Variants in NAT9 observed in about 807,000 individuals in gnomAD.
NAT9 encodes the protein N-acetyltransferase 9, also known as alpha/beta-tubulin-N-acetyltransferase 9.
Under a neutral mutation model 24.0 loss-of-function variants are expected in NAT9, and 18 were observed. The ratio of observed to expected loss-of-function variants is 0.75; its 90% confidence interval spans 0.52 to 1.11. NAT9 has a LOEUF of 1.11. NAT9 is among the 50% of genes most tolerant of loss of function. NAT9 has a pLI of 0.00. For missense variants in NAT9, 254 were observed against 258.6 expected (o/e 0.98, Z 0.12); for synonymous variants, 104 against 102.3 (o/e 1.02, Z -0.10).
Position 74,773,683 on chromosome 17 carries a change from T to C in NAT9, c.83A>G (p.Tyr28Cys), listed in dbSNP as rs954527827. The change falls in exon 3 of 7, where the codon TAC becomes TGC. Residue 28 changes from tyrosine to cysteine, a missense_variant. Coordinates refer to ENST00000357814, the MANE Select transcript of NAT9 (RefSeq NM_015654.5). ...CTCCTCTGATTTCATCCACTCGTGGTACCTGCTGGGACAGAGGGGTGGCTT... is the reference window on the plus strand; with the variant it reads ...CTCCTCTGATTTCATCCACTCGTGGCACCTGCTGGGACAGAGGGGTGGCTT... ...PYTSEHVPSRYHEWMKSEELQ... is the reference protein window; with the variant it reads ...PYTSEHVPSRCHEWMKSEELQ... The C allele has an allele frequency of 1.1e-5, 17 of 1,613,964 alleles. No individual in the cohort carries two copies. The highest frequency in any genetic ancestry group is 1.7e-5 in the Admixed American group (1 of 60,012).
At chr17:74,772,720 G>T in intron 4 of NAT9, 176 bp downstream of exon 4, 1 of 1,150,548 alleles carries the variant, frequency 8.7e-7, no homozygotes, top group Non-Finnish European at 1.2e-6. Context: ...TGAGGCTGAG[G>T]GTGTACCACC....
rs1555604784 is a variant in NAT9, at chr17:74,775,634, T to A, written c.65A>T (p.Glu22Val). Residue 22 changes from glutamate to valine, a missense_variant, in exon 2 of 7, where the codon GAG (glutamate) becomes GTG (valine). Physicochemically the swap from Glu to Val is moderately radical, Grantham distance 121. Coordinates refer to ENST00000357814, the MANE Select transcript of NAT9 (RefSeq NM_015654.5). ...GCGGGAAAGATACCTGGGCACATGCTCCGAGGTGTAGGGTACAAGGACCAC... is the reference window on the plus strand; with the variant it reads ...GCGGGAAAGATACCTGGGCACATGCACCGAGGTGTAGGGTACAAGGACCAC... ...KKVVLVPYTS[E>V]HVPSRYHEWM... The A allele has an allele frequency of 3.1e-6, 5 of 1,613,952 alleles. No individual in the cohort carries two copies. The South Asian group carries it at 4.4e-5, about 14-fold the overall frequency.
chr17:74,773,443 G>A lies in NAT9; in HGVS notation c.190+133C>T, dbSNP rs556836031. On this transcript the variant is annotated intron_variant, in intron 3 of 6. Transcript: ENST00000357814. ...TGGCTTCAGGGCCATGAGAATACAG[G>A]AGTTCCAGCACCTTCCAGGCTTTTC... The A allele has an allele frequency of 7.1e-5, 53 of 744,710 alleles. 2 individuals carry two copies. Among genetic ancestry groups the A allele is most frequent in the South Asian group, 1.8e-4 (11 of 61,354 alleles). The allele number at this position is 744,710 out of a possible 1,614,324, so 46.1% of individuals were successfully genotyped here.
rs2035120880 is a variant in NAT9, at chr17:74,770,757, C to CCA, written c.*965_*966dup. 1 of 152,196 alleles carries CCA rather than the reference C, an allele frequency of 6.6e-6. No individual in the cohort carries two copies. Among genetic ancestry groups the CCA allele is most frequent in the Admixed American group, 6.5e-5 (1 of 15,284 alleles). 9.4% of individuals were successfully genotyped at this position (152,196 alleles called of 1,614,324 possible). A position where few individuals can be genotyped will look rare whatever the true frequency, so the allele number is the denominator to read the frequency against. The stretch of plus-strand genomic sequence containing the variant: ...ATGCCCGGCCTTTCTTGACAGCCAG[C>CCA]CACCCCAGATGATGGCAGGGCAAGG... On this transcript the variant is annotated 3_prime_UTR_variant, in exon 7 of 7. Coordinates refer to ENST00000357814, the MANE Select transcript of NAT9 (RefSeq NM_015654.5).
In NAT9 at chr17:74,772,210, TTTC is replaced by T; in HGVS notation, c.394+5_394+7del. ...CACTTCCCGCATTGTCTGCTCACAC[TTTC>T]TTACCGTAAGACAGCATCGCGAGAA... On this transcript the variant is annotated splice_donor_5th_base_variant and intron_variant, in intron 5 of 6. Transcript: ENST00000357814. 6.2e-7 allele frequency: 1 copy of T among 1,614,226 alleles called. No homozygotes were observed.
rs534575640 is a variant in NAT9 at position 74,774,638 on chromosome 17, C to T, written c.78-950G>A. Among the ~76,000 whole-genome samples, 4 of 150,648 alleles carry T rather than the reference C, an allele frequency of 2.7e-5. 1 individual carries two copies. The highest frequency in any genetic ancestry group is 7.3e-5 in the African/African-American group (3 of 40,932). On this transcript the variant is annotated intron_variant, in intron 2 of 6. Coordinates refer to ENST00000357814, the MANE Select transcript of NAT9 (RefSeq NM_015654.5). Reference sequence around the variant, plus strand: ...CGATCTCGGCTCACTGTAAGCTCCGCCTCCCGGGTTCACACATTCTCCTGC... The same window carrying T: ...CGATCTCGGCTCACTGTAAGCTCCGTCTCCCGGGTTCACACATTCTCCTGC...
Position 74,773,685 on chromosome 17 carries a change from C to T in NAT9, c.81G>A (p.Arg27=). 1.2e-6 allele frequency: 2 copies of T among 1,613,890 alleles called. No homozygotes were observed. The highest frequency in any genetic ancestry group is 1.7e-6 in the Non-Finnish European group (2 of 1,179,830). Residue 27 remains arginine, a synonymous_variant, in exon 3 of 7, where the codon AGG becomes AGA. Transcript: ENST00000357814. ...CCTCTGATTTCATCCACTCGTGGTACCTGCTGGGACAGAGGGGTGGCTTTA... is the reference window on the plus strand; with the variant it reads ...CCTCTGATTTCATCCACTCGTGGTATCTGCTGGGACAGAGGGGTGGCTTTA... The part of the protein sequence containing the change: ...VPYTSEHVPS[R]YHEWMKSEEL...
intron 1 of NAT9, 191 bp from the exon 2 acceptor site, chr17:74,775,898 C>T: frequency 2.0e-6 from 1 of 508,984 alleles, no homozygotes; most frequent in South Asian, 2.9e-5. Context: ...TTAAACAATC[C>T]TTGACTCCCA....
At chr17:74,772,156 A>C in intron 5 of NAT9, 62 bp downstream of exon 5, 10 of 1,613,820 alleles carry the variant, frequency 6.2e-6, no homozygotes, top group Non-Finnish European at 8.5e-6. Context: ...CAACCCTCAC[A>C]CCTGAACAAA....
chr17:74,771,451 C>A lies in NAT9; in HGVS notation c.*273G>T. The A allele has an allele frequency of 1.9e-6, 1 of 537,044 alleles. No homozygotes were observed. The highest frequency in any genetic ancestry group is 2.3e-5 in the South Asian group (1 of 43,792). The allele number at this position is 537,044 out of a possible 1,614,324, so 33.3% of individuals were successfully genotyped here. ...AGCTCCCACCTTCATCCCGACATCT[C>A]CCATGGATCCCTGCCCTCCATTCCA... On this transcript the variant is annotated 3_prime_UTR_variant, in exon 7 of 7. Coordinates refer to ENST00000357814, the MANE Select transcript of NAT9 (RefSeq NM_015654.5).
At position 74,772,225 on chromosome 17, in the gene NAT9, C is replaced by T. The variant is rs747994926; in HGVS notation, c.387G>A (p.Leu129=). 1.5e-5 allele frequency: 24 copies of T among 1,614,136 alleles called. No homozygotes were observed. In the South Asian group the frequency reaches 2.4e-4, roughly 16 times the overall value. ...GLGTEAVLAM[L]SYGVTTLGLT... is the part of the protein sequence containing the mutation. ...CTGCTCACACTTTCTTACCGTAAGA[C>T]AGCATCGCGAGAACGGCCTCAGTGC... Residue 129 remains leucine (L), a synonymous_variant, in exon 5 of 7, where the codon CTG becomes CTA. Coordinates refer to ENST00000357814, the MANE Select transcript of NAT9 (RefSeq NM_015654.5).
At chr17:74,774,821 A>G (rs1051356941) in intron 2 of NAT9, among the ~76,000 whole-genome samples, 3 of 151,994 alleles carry the variant, frequency 2.0e-5, no homozygotes, top group Non-Finnish European at 4.4e-5. Context: ...AAGTGCTGGG[A>G]TTACAGGCGT....
At chr17:74,771,913 G>A in intron 6 of NAT9, 47 bp downstream of exon 6, 2 of 1,614,138 alleles carry the variant, frequency 1.2e-6, no homozygotes, top group Non-Finnish European at 1.7e-6. Flanking sequence ...CCACCACCAG[G>A]CCCACCACCC....
intron 3 of NAT9, 31 bp from the exon 4 acceptor site, chr17:74,773,070 C>T: frequency 6.2e-7 from 1 of 1,610,584 alleles, no homozygotes; most frequent in Non-Finnish European, 8.5e-7. Context: ...CTATCACACA[C>T]ACTCCCCAGA....
At chr17:74,774,999 G>A (rs1024543487) in intron 2 of NAT9, among the ~76,000 whole-genome samples, 1 of 151,542 alleles carries the variant, frequency 6.6e-6, no homozygotes, top group Non-Finnish European at 1.5e-5. Flanking sequence ...GGAATTACAG[G>A]TGCCGGGCAA....
intron 2 of NAT9, 113 bp downstream of exon 2, chr17:74,775,509 A>T: frequency 3.3e-6 from 3 of 920,894 alleles, no homozygotes; most frequent in Non-Finnish European, 4.8e-6. Flanking sequence ...CCTCATATAT[A>T]ATTATTTCTC....
In NAT9 at chr17:74,773,175, T is replaced by C. The variant is rs966504332; in HGVS notation, c.191-136A>G. 12 of 1,113,728 alleles carry C rather than the reference T, an allele frequency of 1.1e-5. 1 individual carries two copies. The African/African-American group carries it at 1.7e-4, about 16-fold the overall frequency. The allele number at this position is 1,113,728 out of a possible 1,614,324, so 69.0% of individuals were successfully genotyped here. ...CAGGAGAAGAGGGGGTCCCAGAGCT[T>C]CCTTCAGCTCATTACAAAATTCCAA... is the stretch of plus-strand genomic sequence containing the variant. On this transcript the variant is annotated intron_variant, in intron 3 of 6. Transcript: ENST00000357814.
intron 2 of NAT9, chr17:74,773,900 C>A: frequency 1.9e-6 from 1 of 523,658 alleles, no homozygotes; most frequent in Non-Finnish European, 3.5e-6. Flanking sequence ...TCTATCTGTC[C>A]AATTTCCTAT....
At chr17:74,774,595 G>T (rs2144235821) in intron 2 of NAT9, among the ~76,000 whole-genome samples, 1 of 141,750 alleles carries the variant, frequency 7.1e-6, no homozygotes, top group East Asian at 2.0e-4. Flanking sequence ...CTGTCACCCA[G>T]GCTGGAGTGC....
Sources: allele counts gnomAD v4.1 joint callset (sites outside exome capture counted in the v4.1 genomes callset), GRCh38; gene constraint gnomAD v4.1.1; transcripts MANE v1.5; gene names NCBI Gene and HGNC (gene_info 2026-07-23, HGNC 2026-07-21).